Variants in HYDIN observed in about 807,000 individuals in gnomAD.
HYDIN encodes the protein axonemal central pair apparatus protein HYDIN.
HYDIN carries 132 observed loss-of-function variants against 403.9 expected under a neutral mutation model. The observed-to-expected ratio is 0.33, with a 90% CI of 0.28 to 0.38. The LOEUF (loss-of-function observed/expected upper bound fraction) is 0.38, where lower values mean the gene tolerates loss of function less well. Among genes scored for constraint, HYDIN ranks in the 10% least tolerant of loss-of-function variants. The pLI is 1.00. For missense variants in HYDIN, 2,827 were observed against 5,009.5 expected (o/e 0.56, Z 13.15); for synonymous variants, 1,202 against 1,891.7 (o/e 0.64, Z 9.46).
chr16:71,020,531 G>A (rs1426752488), intron 21 of HYDIN, among the ~76,000 whole-genome samples: 3 of 152,062 alleles, frequency 2.0e-5, no homozygotes, highest in Non-Finnish European at 2.9e-5. Flanking sequence ...TGTGGAGGCC[G>A]GGTGCAGAGG....
intron 1 of HYDIN, among the ~76,000 whole-genome samples, chr16:71,192,171 G>A (rs2087469540): frequency 6.6e-6 from 1 of 152,074 alleles, no homozygotes; most frequent in South Asian, 2.1e-4. Context: ...CCACACTTTT[G>A]ATCATGACAT....
chr16:71,223,047 G>A (rs1362809625), intron 1 of HYDIN, among the ~76,000 whole-genome samples: 1 of 152,092 alleles, frequency 6.6e-6, no homozygotes, highest in Non-Finnish European at 1.5e-5. Context: ...CAAATCTAGA[G>A]GCATCACATT....
intron 9 of HYDIN, among the ~76,000 whole-genome samples, chr16:71,129,329 T>C (rs569769642): frequency 1.7e-4 from 26 of 151,270 alleles, no homozygotes; most frequent in African/African-American, 6.3e-4. Context: ...ATCTGTTGAA[T>C]GGGATTCTAA....
At chr16:71,045,300 T>C (rs1011317560) in intron 18 of HYDIN, among the ~76,000 whole-genome samples, 1 of 152,232 alleles carries the variant, frequency 6.6e-6, no homozygotes, top group African/African-American at 2.4e-5. Flanking sequence ...GTCCAGCTTT[T>C]CTCCTTGTTC....
intron 41 of HYDIN, among the ~76,000 whole-genome samples, chr16:70,944,438 G>C (rs1203679456): frequency 1.3e-5 from 2 of 152,236 alleles, no homozygotes; most frequent in African/African-American, 2.4e-5. Context: ...AGACTATGTA[G>C]AGAGGATGCT....
chr16:70,834,873 T>C (rs112803506), intron 78 of HYDIN, among the ~76,000 whole-genome samples: 2 of 140,476 alleles, frequency 1.4e-5, no homozygotes, highest in African/African-American at 3.0e-5. Context: ...AACATATATA[T>C]ATGTGTGTGT....
chr16:70,948,369 G>C (rs1363704871), intron 41 of HYDIN, among the ~76,000 whole-genome samples: 1 of 152,028 alleles, frequency 6.6e-6, no homozygotes, highest in African/African-American at 2.4e-5. Context: ...AAAAAACCTA[G>C]GCATTACCAT....
intron 23 of HYDIN, among the ~76,000 whole-genome samples, chr16:71,017,146 C>T (rs2144115655): frequency 6.6e-6 from 1 of 151,574 alleles, no homozygotes; most frequent in East Asian, 2.0e-4. Flanking sequence ...TCGAGACCAG[C>T]CTGGCCAACA....
At chr16:70,947,303 G>T (rs1306493577) in intron 41 of HYDIN, among the ~76,000 whole-genome samples, 1 of 150,822 alleles carries the variant, frequency 6.6e-6, no homozygotes, top group African/African-American at 2.4e-5. Context: ...ATAATCATGT[G>T]GTTTTTGTCT....
intron 5 of HYDIN, 103 bp downstream of exon 5, chr16:71,175,504 C>G (rs1019591081): frequency 1.7e-6 from 2 of 1,194,568 alleles, no homozygotes; most frequent in African/African-American, 3.0e-5. Flanking sequence ...ATACCACCAC[C>G]ACCACCACCA....
intron 7 of HYDIN, among the ~76,000 whole-genome samples, 183 bp from the exon 8 acceptor site, chr16:71,137,535 A>G (rs1322493808): frequency 1.3e-5 from 2 of 152,074 alleles, no homozygotes; most frequent in Non-Finnish European, 2.9e-5. Context: ...TGCTTGGTGC[A>G]GTTATAGAAA....
chr16:70,945,829 GAAGA>G (rs58515395), intron 41 of HYDIN, among the ~76,000 whole-genome samples: 5,559 of 151,770 alleles, frequency 0.037, no homozygotes, highest in African/African-American at 0.086. Context: ...AGGACCTTGA[GAAGA>G]AAGAGCAGCC....
intron 5 of HYDIN, among the ~76,000 whole-genome samples, chr16:71,169,454 T>C (rs2086374029): frequency 6.6e-6 from 1 of 151,922 alleles, no homozygotes; most frequent in South Asian, 2.1e-4. Context: ...AAAGAAAATG[T>C]GGCATATATA....
chr16:71,223,807 A>G (rs2040911037), intron 1 of HYDIN, among the ~76,000 whole-genome samples: 1 of 152,212 alleles, frequency 6.6e-6, no homozygotes, highest in Non-Finnish European at 1.5e-5. Flanking sequence ...AATGGCCATA[A>G]TTAAAAAGTC....
chr16:70,906,708 C>T (rs948691737), intron 50 of HYDIN, among the ~76,000 whole-genome samples: 3 of 151,990 alleles, frequency 2.0e-5, no homozygotes, highest in African/African-American at 7.2e-5. Flanking sequence ...TCTGACTTCT[C>T]ACTTCACTTT....
intron 1 of HYDIN, among the ~76,000 whole-genome samples, chr16:71,193,036 G>A (rs905095588): frequency 1.3e-5 from 2 of 152,100 alleles, no homozygotes; most frequent in African/African-American, 4.8e-5. Context: ...TAGTGCACTC[G>A]AGGAGTGCCA....
intron 21 of HYDIN, among the ~76,000 whole-genome samples, chr16:71,023,883 C>T (rs2080587543): frequency 6.6e-6 from 1 of 151,780 alleles, no homozygotes; most frequent in Non-Finnish European, 1.5e-5. Flanking sequence ...CTTCTGCAAA[C>T]CTCCAGGTAA....
chr16:70,946,378 T>C (rs1478048689), intron 41 of HYDIN, among the ~76,000 whole-genome samples: 3 of 149,974 alleles, frequency 2.0e-5, no homozygotes, highest in African/African-American at 4.9e-5. Context: ...AGCAGTCATC[T>C]TGAATAGATG....
chr16:70,927,032 T>C (rs1327884303), intron 45 of HYDIN, among the ~76,000 whole-genome samples: 4 of 152,118 alleles, frequency 2.6e-5, no homozygotes, highest in South Asian at 4.2e-4. Context: ...ACATTTATGA[T>C]TGGAATCCTA....
Sources: gnomAD v4.1 joint callset for allele counts (sites outside exome capture counted in the v4.1 genomes callset) on GRCh38, gnomAD v4.1.1 for gene constraint, MANE v1.5 for transcripts, NCBI Gene and HGNC (gene_info 2026-07-23, HGNC 2026-07-21) for gene names.